LAMA2: variants seen among roughly 807,000 people sequenced by gnomAD.
The protein encoded by LAMA2 is laminin subunit alpha 2.
LAMA2 carries 269 observed loss-of-function variants against 364.8 expected under a neutral mutation model. That is an observed-to-expected ratio of 0.74 (90% CI 0.67 to 0.82). LAMA2 has a LOEUF of 0.82. LAMA2 is among the 40% of genes least tolerant of loss of function. LAMA2 has a pLI of 0.00. For missense variants in LAMA2, 3,807 were observed against 3,873.2 expected (o/e 0.98, Z 0.45); for synonymous variants, 1,379 against 1,370.6 (o/e 1.01, Z -0.14).
intron 12 of LAMA2, among the ~76,000 whole-genome samples, chr6:129,196,840 C>G (rs537502420): frequency 6.6e-6 from 1 of 152,248 alleles, no homozygotes; most frequent in South Asian, 2.1e-4. Flanking sequence ...GGTTTGCTGC[C>G]TAGAATAAAC....
intron 1 of LAMA2, among the ~76,000 whole-genome samples, chr6:128,917,738 T>TTTCTTTC (rs1326095567): frequency 4.3e-5 from 1 of 23,082 alleles, no homozygotes; most frequent in Non-Finnish European, 1.3e-4. Flanking sequence ...TTCTTTCTTT[T>TTTCTTTC]TTTTTTTTTT....
At chr6:129,366,176 T>C (rs370418379) in intron 32 of LAMA2, 43 bp from the exon 33 acceptor site, 18 of 1,608,792 alleles carry the variant, frequency 1.1e-5, no homozygotes, top group Non-Finnish European at 1.4e-5. Flanking sequence ...CTGCCTGGGA[T>C]GTTTAGCAGA....
chr6:129,466,343 C>G (rs1251488341), intron 51 of LAMA2, among the ~76,000 whole-genome samples: 1 of 151,854 alleles, frequency 6.6e-6, no homozygotes, highest in Non-Finnish European at 1.5e-5. Flanking sequence ...TGGAGTGACC[C>G]TGAGGCACAA....
intron 14 of LAMA2, among the ~76,000 whole-genome samples, chr6:129,256,054 C>G (rs1430696814): frequency 6.6e-6 from 1 of 152,168 alleles, no homozygotes; most frequent in Non-Finnish European, 1.5e-5. Flanking sequence ...CTCAGTTCCT[C>G]TTGTATACAA....
intron 4 of LAMA2, among the ~76,000 whole-genome samples, chr6:129,132,666 C>T (rs550790878): frequency 1.3e-5 from 2 of 152,256 alleles, no homozygotes; most frequent in Middle Eastern, 6.8e-3. Flanking sequence ...CAGGTAACTG[C>T]TATAAAGGGT....
chr6:128,904,856 T>C (rs1777321640), intron 1 of LAMA2, among the ~76,000 whole-genome samples: 1 of 152,202 alleles, frequency 6.6e-6, no homozygotes, highest in African/African-American at 2.4e-5. Context: ...TAAGCATTGT[T>C]AATTTAGTTA....
intron 1 of LAMA2, among the ~76,000 whole-genome samples, chr6:128,922,184 T>G (rs1389948875): frequency 9.2e-5 from 14 of 151,932 alleles, no homozygotes; most frequent in Non-Finnish European, 1.6e-4. Context: ...GTATGTGTCT[T>G]TATAGCAGCA....
chr6:129,447,653 ATC>A (rs1782456783), intron 45 of LAMA2, among the ~76,000 whole-genome samples: 1 of 152,238 alleles, frequency 6.6e-6, no homozygotes, highest in Admixed American at 6.5e-5. Flanking sequence ...ACACAGTATA[ATC>A]AGAGCTGTGC....
chr6:129,445,878 A>T (rs566523872), intron 45 of LAMA2, 57 bp downstream of exon 45: 2 of 1,493,016 alleles, frequency 1.3e-6, no homozygotes, highest in South Asian at 2.3e-5. Flanking sequence ...GATTATTCAT[A>T]GAGGGAATGT....
intron 3 of LAMA2, among the ~76,000 whole-genome samples, chr6:129,068,405 C>T (rs1029913064): frequency 7.9e-5 from 12 of 152,224 alleles, no homozygotes; most frequent in African/African-American, 2.9e-4. Context: ...AAGATCAAAG[C>T]ACTGGCAGAT....
At chr6:129,088,797 G>T (rs901806465) in intron 3 of LAMA2, among the ~76,000 whole-genome samples, 1 of 151,984 alleles carries the variant, frequency 6.6e-6, no homozygotes, top group Non-Finnish European at 1.5e-5. Context: ...AGACGGGATG[G>T]CGGTCCGGAA....
chr6:129,228,288 G>A (rs1784457123), intron 12 of LAMA2, among the ~76,000 whole-genome samples: 1 of 152,132 alleles, frequency 6.6e-6, no homozygotes, highest in African/African-American at 2.4e-5. Context: ...CGGGTGAGGT[G>A]ATGCCTCGCC....
rs774852922 is a variant in LAMA2, at chr6:129,386,351, A to G, written c.5071+3118A>G. Among the ~76,000 whole-genome samples, 6 of 152,108 alleles carry G rather than the reference A, an allele frequency of 3.9e-5. No individual in the cohort carries two copies. The East Asian group carries it at 7.7e-4, about 20-fold the overall frequency. ...ATACATAGGATCTGGAACTATATATATGTATATAAACATAAAACTGTATGT... is the reference window on the plus strand; with the variant it reads ...ATACATAGGATCTGGAACTATATATGTGTATATAAACATAAAACTGTATGT... On this transcript the variant is annotated intron_variant, in intron 35 of 64. Transcript: ENST00000421865.
chr6:128,990,018 G>A (rs1433459371), intron 1 of LAMA2, among the ~76,000 whole-genome samples: 1 of 152,054 alleles, frequency 6.6e-6, no homozygotes, highest in African/African-American at 2.4e-5. Flanking sequence ...ATGAATTTTA[G>A]GGGGACACAA....
At chr6:129,295,642 A>G (rs1371807567) in intron 20 of LAMA2, among the ~76,000 whole-genome samples, 1 of 152,060 alleles carries the variant, frequency 6.6e-6, no homozygotes, top group African/African-American at 2.4e-5. Context: ...TTCCTTACAT[A>G]ATCGACTTTG....
chr6:129,512,567 G>T, intron 63 of LAMA2, 74 bp downstream of exon 63: 1 of 1,525,342 alleles, frequency 6.6e-7, no homozygotes, highest in Admixed American at 1.7e-5. Flanking sequence ...CCATGTGTGG[G>T]AAACTCGAAT....
intron 22 of LAMA2, among the ~76,000 whole-genome samples, chr6:129,311,144 C>A (rs1774198959): frequency 1.3e-5 from 2 of 150,246 alleles, no homozygotes; most frequent in Non-Finnish European, 3.0e-5. Flanking sequence ...TTTTTTTAGA[C>A]AGAGCCTTGC....
At chr6:129,287,036 G>A (rs5010350) in intron 18 of LAMA2, among the ~76,000 whole-genome samples, 8 of 320 alleles carry the variant, frequency 0.025, no homozygotes, top group East Asian at 0.25. Flanking sequence ...GGGAGGGAGG[G>A]AGGAAGGAAG....
At chr6:129,121,059 G>A (rs1414259508) in intron 4 of LAMA2, among the ~76,000 whole-genome samples, 4 of 152,160 alleles carry the variant, frequency 2.6e-5, no homozygotes, top group Non-Finnish European at 5.9e-5. Context: ...GGAACCATGT[G>A]GTGTGGCAAT....
Sources: gnomAD v4.1 joint callset for allele counts (sites outside exome capture counted in the v4.1 genomes callset) on GRCh38, gnomAD v4.1.1 for gene constraint, MANE v1.5 for transcripts, NCBI Gene and HGNC (gene_info 2026-07-23, HGNC 2026-07-21) for gene names.